The following KDM5A variants were observed in gnomAD, a reference collection of about 807,000 sequenced individuals.
KDM5A encodes the protein lysine-specific demethylase 5A.
A neutral mutation model predicts 193.5 loss-of-function variants in KDM5A; 42 were observed. That is an observed-to-expected ratio of 0.22 (90% CI 0.17 to 0.28). The LOEUF is 0.28. Ranked by LOEUF, KDM5A falls within the 10% of genes least tolerant of loss-of-function variation. The pLI, the probability that KDM5A is intolerant of heterozygous loss-of-function variation, is 1.00. For synonymous variants in KDM5A, 796 were observed against 718.1 expected (o/e 1.11, Z -1.73); for missense variants, 1,692 against 2,055.1 (o/e 0.82, Z 3.42).
intron 10 of KDM5A, among the ~76,000 whole-genome samples, chr12:350,179 G>A (rs1944136985): frequency 6.6e-6 from 1 of 151,950 alleles, no homozygotes; most frequent in South Asian, 2.1e-4. Flanking sequence ...GCTCACGCCT[G>A]TAATCCCAGC....
At chr12:311,190 C>A in intron 20 of KDM5A, 126 bp from the exon 21 acceptor site, 2 of 828,988 alleles carry the variant, frequency 2.4e-6, no homozygotes, top group Non-Finnish European at 1.9e-6. Flanking sequence ...AATGTAATTC[C>A]ATCTCTTGAA....
rs1319150626 is a variant in KDM5A, at chr12:323,725, C to T, written c.2025G>A (p.Gln675=). The change falls in exon 15 of 28, where the codon CAG becomes CAA. Residue 675 remains glutamine, a synonymous_variant. Coordinates refer to ENST00000399788, the MANE Select transcript of KDM5A (RefSeq NM_001042603.3). ...AACATGTGGTTCTGCATGCTGAACA[C>T]TGCCGCTCATCATCAGGAACAAGTT... ...VFELVPDDER[Q]CSACRTTCFL... The T allele has an allele frequency of 6.2e-7, 1 of 1,613,850 alleles. No homozygotes were observed. The highest frequency in any genetic ancestry group is 1.7e-5 in the Admixed American group (1 of 60,022).
Position 285,257 on chromosome 12 carries a change from C to A in KDM5A, c.*199G>T. The A allele has an allele frequency of 1.7e-6, 1 of 600,392 alleles. No individual in the cohort carries two copies. Among genetic ancestry groups the A allele is most frequent in the Admixed American group, 2.9e-5 (1 of 33,906 alleles). 37.2% of individuals were successfully genotyped at this position (600,392 alleles called of 1,614,324 possible). Reference sequence around the variant, plus strand: ...ATATTGGCTGTTGTACCAAAGAAGACACCCTCTGCATAGATATGTTGATAG... The same window carrying A: ...ATATTGGCTGTTGTACCAAAGAAGAAACCCTCTGCATAGATATGTTGATAG... On this transcript the variant is annotated 3_prime_UTR_variant, in exon 28 of 28. Coordinates refer to ENST00000399788, the MANE Select transcript of KDM5A (RefSeq NM_001042603.3).
At chr12:349,821 C>T (rs1258200566) in intron 10 of KDM5A, among the ~76,000 whole-genome samples, 4 of 151,160 alleles carry the variant, frequency 2.6e-5, no homozygotes, top group Non-Finnish European at 5.9e-5. Context: ...TTGCACTCAG[C>T]TTAAATTAGT....
intron 1 of KDM5A, 101 bp downstream of exon 1, chr12:388,826 T>C (rs1944684077): frequency 1.5e-6 from 2 of 1,364,868 alleles, no homozygotes; most frequent in Non-Finnish European, 2.1e-6. Flanking sequence ...CAAAAGAGAG[T>C]ACATATGAAA....
At chr12:327,669 C>T (rs1304894975) in intron 14 of KDM5A, among the ~76,000 whole-genome samples, 1 of 152,142 alleles carries the variant, frequency 6.6e-6, no homozygotes, top group African/African-American at 2.4e-5. Context: ...GATCGTGCCA[C>T]TGCACTCCAG....
chr12:312,114 A>G (rs1026039267), intron 20 of KDM5A, among the ~76,000 whole-genome samples: 4 of 152,340 alleles, frequency 2.6e-5, no homozygotes, highest in Non-Finnish European at 4.4e-5. Context: ...TTTTGAGTAC[A>G]GTTCTATAAT....
intron 5 of KDM5A, among the ~76,000 whole-genome samples, chr12:357,289 A>G (rs1944239203): frequency 6.6e-6 from 1 of 150,644 alleles, no homozygotes; most frequent in African/African-American, 2.4e-5. Context: ...CAATCCATCA[A>G]TGGGAAAGCT....
Position 354,122 on chromosome 12 carries a change from G to C in KDM5A, c.983C>G (p.Pro328Arg), listed in dbSNP as rs201963528. The C allele has an allele frequency of 6.2e-7, 1 of 1,613,694 alleles. No homozygotes were observed. Among genetic ancestry groups the C allele is most frequent in the South Asian group, 1.1e-5 (1 of 91,076 alleles). ...YHTFCLIPPL[P>R]DVPKGDWRCP... ...CCTCCAGTCTCCTTTGGGCACATCAGGTAGTGGAGGAATTAGACAAAATGT... is the reference window on the plus strand; with the variant it reads ...CCTCCAGTCTCCTTTGGGCACATCACGTAGTGGAGGAATTAGACAAAATGT... The change falls in exon 8 of 28, where the codon CCT (proline) becomes CGT (arginine). Residue 328 changes from proline (P) to arginine (R), a missense_variant. Physicochemically the swap from Pro to Arg is moderately radical, Grantham distance 103 (BLOSUM62 -2). Coordinates refer to ENST00000399788, the MANE Select transcript of KDM5A (RefSeq NM_001042603.3).
rs949952857 is a variant in KDM5A, at chr12:333,474, C to T, written c.1653+13G>A. 1 of 1,613,804 alleles carries T rather than the reference C, an allele frequency of 6.2e-7. No individual in the cohort carries two copies. The highest frequency in any genetic ancestry group is 8.5e-7 in the Non-Finnish European group (1 of 1,179,850). On this transcript the variant is annotated intron_variant, in intron 12 of 27. Transcript: ENST00000399788. ...ACAAACAAACAACTGAAGGAAGACA[C>T]CAAAAGACTCACAGGCACACCATGC...
chr12:375,546 T>C (rs1320230385), intron 3 of KDM5A, among the ~76,000 whole-genome samples: 1 of 152,260 alleles, frequency 6.6e-6, no homozygotes. Context: ...CGGAGAAGTC[T>C]GATCGTCTGA....
chr12:333,343 G>T, intron 12 of KDM5A, 144 bp downstream of exon 12: 1 of 838,758 alleles, frequency 1.2e-6, no homozygotes, highest in South Asian at 1.5e-5. Flanking sequence ...TGCTTGAGCT[G>T]AGCAGGCTGA....
chr12:296,807 C>A (rs183399500), intron 25 of KDM5A, among the ~76,000 whole-genome samples: 2 of 152,300 alleles, frequency 1.3e-5, no homozygotes, highest in East Asian at 3.9e-4. Flanking sequence ...GATGGCCCCT[C>A]AAGTTCTTCT....
intron 10 of KDM5A, among the ~76,000 whole-genome samples, chr12:340,254 C>G (rs549168668): frequency 7.2e-5 from 11 of 152,154 alleles, no homozygotes; most frequent in African/African-American, 2.7e-4. Context: ...TATGTAGAGG[C>G]CTACATAGTT....
In KDM5A at chr12:322,031, AG is replaced by A. The variant is rs562880034; in HGVS notation, c.2426+385del. Among the ~76,000 whole-genome samples the A allele has an allele frequency of 2.0e-3, 299 of 152,326 alleles. 1 individual carries two copies. The highest frequency in any genetic ancestry group is 6.6e-3 in the African/African-American group (274 of 41,576). The stretch of plus-strand genomic sequence containing the variant: ...AAACAAAGCATCAAAGAAGGGTAAG[AG>A]GACTGCAATTTTATAAAGGCTTGTC... On this transcript the variant is annotated intron_variant, in intron 17 of 27. Transcript: ENST00000399788.
At position 283,308 on chromosome 12, in the gene KDM5A, T is replaced by C. The variant is rs1943177832; in HGVS notation, c.*2148A>G. The C allele has an allele frequency of 4.3e-6, 1 of 232,082 alleles. No homozygotes were observed. The highest frequency in any genetic ancestry group is 5.6e-5 in the Admixed American group (1 of 17,770). The allele number at this position is 232,082 out of a possible 1,614,324, so 14.4% of individuals were successfully genotyped here. On this transcript the variant is annotated 3_prime_UTR_variant, in exon 28 of 28. Coordinates refer to ENST00000399788, the MANE Select transcript of KDM5A (RefSeq NM_001042603.3). Reference sequence around the variant, plus strand: ...AAATTCTTAATTGATAATCGTTAGCTTGGCAAAACGAAAACTTATGAAATC... The same window carrying C: ...AAATTCTTAATTGATAATCGTTAGCCTGGCAAAACGAAAACTTATGAAATC...
At chr12:348,676 C>CGG (rs1388697290) in intron 10 of KDM5A, among the ~76,000 whole-genome samples, 7 of 152,000 alleles carry the variant, frequency 4.6e-5, no homozygotes, top group Non-Finnish European at 7.4e-5. Flanking sequence ...AAACCAAAAA[C>CGG]CACGTGTTCT....
At chr12:375,916 T>C (rs1030302444) in intron 3 of KDM5A, among the ~76,000 whole-genome samples, 25 of 152,234 alleles carry the variant, frequency 1.6e-4, no homozygotes, top group African/African-American at 6.0e-4. Flanking sequence ...ACAGCAAATA[T>C]TGCTGCCTGA....
intron 4 of KDM5A, 22 bp downstream of exon 4, chr12:365,912 T>TA (rs1198628846): frequency 6.2e-7 from 1 of 1,611,308 alleles, no homozygotes; most frequent in African/African-American, 1.3e-5. Context: ...CAACTTTTTC[T>TA]AAAAAGAATA....
Sources: allele counts gnomAD v4.1 joint callset (sites outside exome capture counted in the v4.1 genomes callset), GRCh38; gene constraint gnomAD v4.1.1; transcripts MANE v1.5; gene names NCBI Gene and HGNC (gene_info 2026-07-23, HGNC 2026-07-21).